The following C21orf91 variants were observed in gnomAD, a reference collection of about 807,000 sequenced individuals.
C21orf91 encodes protein EURL homolog.
A neutral mutation model predicts 32.9 loss-of-function variants in C21orf91; 26 were observed. The observed-to-expected ratio is 0.79, with a 90% confidence interval of 0.58 to 1.10. The LOEUF is 1.10. Ranked by LOEUF, C21orf91 falls within the 50% of genes least tolerant of loss-of-function variation. C21orf91 has a pLI of 0.00. For synonymous variants in C21orf91, 126 were observed against 120.4 expected (o/e 1.05, Z -0.31); for missense variants, 310 against 341.3 (o/e 0.91, Z 0.72).
In C21orf91 at chr21:17,792,726, T is replaced by C. The variant is rs2062486212; in HGVS notation, c.*689A>G. On this transcript the variant is annotated 3_prime_UTR_variant, in exon 5 of 5. Coordinates refer to ENST00000284881, the MANE Select transcript of C21orf91 (RefSeq NM_001100420.2). ...TTTGTTAGAAAACAAAATAATGTAT[T>C]GTATTTACCTGAATACTGCTTTAAA... 6.6e-6 allele frequency: 1 copy of C among 152,570 alleles called. No homozygotes were observed. The highest frequency in any genetic ancestry group is 1.5e-5 in the Non-Finnish European group (1 of 67,990). 9.5% of individuals were successfully genotyped at this position (152,570 alleles called of 1,614,324 possible). A position where few individuals can be genotyped will look rare whatever the true frequency, so the allele number is the denominator to read the frequency against.
At chr21:17,798,509 A>G (rs1371774591) in intron 2 of C21orf91, among the ~76,000 whole-genome samples, 2 of 152,190 alleles carry the variant, frequency 1.3e-5, no homozygotes, top group African/African-American at 4.8e-5. Context: ...GGTAAACTCA[A>G]ATATCTGAGC....
chr21:17,797,227 T>C, intron 2 of C21orf91, 109 bp from the exon 3 acceptor site: 1 of 644,152 alleles, frequency 1.6e-6, no homozygotes, highest in Non-Finnish European at 2.6e-6. Context: ...GTCTGTGAAT[T>C]AGAGGAAAAA....
At chr21:17,794,010 C>G (rs752645534) in intron 4 of C21orf91, among the ~76,000 whole-genome samples, 15 of 152,222 alleles carry the variant, frequency 9.9e-5, no homozygotes, top group African/African-American at 3.6e-4. Context: ...CCTACTCTTA[C>G]GTGCCTCAGG....
intron 1 of C21orf91, chr21:17,818,859 C>T (rs1004307429): frequency 1.3e-5 from 2 of 152,332 alleles, no homozygotes; most frequent in African/African-American, 4.8e-5. Context: ...ACCGAATACC[C>T]GGGGAGGGCG....
chr21:17,805,187 T>G (rs2062586510), intron 2 of C21orf91, among the ~76,000 whole-genome samples: 1 of 152,246 alleles, frequency 6.6e-6, no homozygotes, highest in South Asian at 2.1e-4. Context: ...TTAATTTAAA[T>G]GAATTCAATG....
intron 2 of C21orf91, among the ~76,000 whole-genome samples, chr21:17,808,789 T>C (rs879604825): frequency 7.2e-5 from 11 of 152,298 alleles, no homozygotes; most frequent in African/African-American, 2.6e-4. Context: ...GAGGAGGACA[T>C]GAGATTTGGG....
At chr21:17,809,020 G>T in intron 2 of C21orf91, 1 of 152,624 alleles carries the variant, frequency 6.6e-6, no homozygotes, top group Non-Finnish European at 1.5e-5. Flanking sequence ...TCCTTCTTTG[G>T]CCATTAAGAC....
Position 17,796,997 on chromosome 21 carries a change from A to C in C21orf91, c.249T>G (p.Tyr83Ter), listed in dbSNP as rs761751614. 1 of 1,613,534 alleles carries C rather than the reference A, an allele frequency of 6.2e-7. No individual in the cohort carries two copies. The highest frequency in any genetic ancestry group is 8.5e-7 in the Non-Finnish European group (1 of 1,179,526). The change falls in exon 3 of 5, where the codon TAT becomes TAG. Residue 83 changes from tyrosine to a stop codon, truncating the protein, a stop_gained. Transcript: ENST00000284881. LOFTEE classifies it high-confidence loss of function. ...TACTCAAAATGGTTTTAACTTCTTC[A>C]TAAGTACTTTTTGAAAGCTTAGATC... ...CPRSKLSKST[Y>*]EEVKTILSKK...
At chr21:17,809,700 C>T (rs1192331671) in intron 2 of C21orf91, among the ~76,000 whole-genome samples, 1 of 152,136 alleles carries the variant, frequency 6.6e-6, no homozygotes, top group Non-Finnish European at 1.5e-5. Flanking sequence ...TTCCTCCTCT[C>T]ATGTAAGCCT....
chr21:17,805,506 G>A (rs1195494340), intron 2 of C21orf91, among the ~76,000 whole-genome samples: 2 of 152,050 alleles, frequency 1.3e-5, no homozygotes, highest in Non-Finnish European at 2.9e-5. Flanking sequence ...TAAAGACAGG[G>A]TTTCACCATG....
chr21:17,789,621 T>C lies in C21orf91; in HGVS notation c.*3794A>G, dbSNP rs142151056. ...TAACAAACTAGATGTTTTGGAGACT[T>C]GATATAATATGGTTCATATCAATGT... On this transcript the variant is annotated 3_prime_UTR_variant, in exon 5 of 5. Transcript: ENST00000284881. 9.2e-5 allele frequency: 14 copies of C among 152,268 alleles called. No individual in the cohort carries two copies. Among genetic ancestry groups the C allele is most frequent in the African/African-American group, 3.4e-4 (14 of 41,572 alleles). 9.4% of individuals were successfully genotyped at this position (152,268 alleles called of 1,614,324 possible).
intron 2 of C21orf91, among the ~76,000 whole-genome samples, chr21:17,808,088 T>A (rs2062609973): frequency 6.6e-6 from 1 of 152,186 alleles, no homozygotes; most frequent in African/African-American, 2.4e-5. Context: ...TTGCAGCCCT[T>A]CCCATCACAG....
chr21:17,796,639 T>C lies in C21orf91; in HGVS notation c.607A>G (p.Ile203Val), dbSNP rs76202022. Residue 203 changes from isoleucine (I) to valine (V), a missense_variant, in exon 3 of 5, where the codon ATC becomes GTC. Coordinates refer to ENST00000284881, the MANE Select transcript of C21orf91 (RefSeq NM_001100420.2). ...HNQAQKKEET[I>V]SSPEANVQTQ... Reference sequence around the variant, plus strand: ...TGGACATTAGCCTCTGGACTAGAGATTGTCTCTTCTTTTTTCTGTGCCTGG... The same window carrying C: ...TGGACATTAGCCTCTGGACTAGAGACTGTCTCTTCTTTTTTCTGTGCCTGG... The C allele has an allele frequency of 1.4e-4, 219 of 1,614,006 alleles. 1 individual carries two copies. The East Asian group carries it at 2.4e-3, about 17-fold the overall frequency.
chr21:17,815,317 T>C (rs1374744817), intron 2 of C21orf91, among the ~76,000 whole-genome samples: 1 of 152,116 alleles, frequency 6.6e-6, no homozygotes, highest in Non-Finnish European at 1.5e-5. Flanking sequence ...AGAAGAGTGC[T>C]TTAGACCAAA....
chr21:17,797,923 AAAATTAT>A (rs1443152580), intron 2 of C21orf91, among the ~76,000 whole-genome samples: 1 of 152,016 alleles, frequency 6.6e-6, no homozygotes, highest in Non-Finnish European at 1.5e-5. Context: ...TAAAAATATA[AAAATTAT>A]AAAAATATAA....
chr21:17,807,066 T>G (rs1445587095), intron 2 of C21orf91, among the ~76,000 whole-genome samples: 1 of 152,334 alleles, frequency 6.6e-6, no homozygotes, highest in Non-Finnish European at 1.5e-5. Context: ...CTTTCTAATA[T>G]GTAGGAATTA....
chr21:17,803,039 C>T (rs2062572525), intron 2 of C21orf91, among the ~76,000 whole-genome samples: 1 of 152,168 alleles, frequency 6.6e-6, no homozygotes, highest in Admixed American at 6.5e-5. Flanking sequence ...TTACCTCAAA[C>T]TTAGAGCAGA....
chr21:17,811,860 C>T (rs2146261385), intron 2 of C21orf91, among the ~76,000 whole-genome samples: 1 of 152,188 alleles, frequency 6.6e-6, no homozygotes, highest in African/African-American at 2.4e-5. Flanking sequence ...TTGTTTTCAA[C>T]TTTAAATCAC....
intron 4 of C21orf91, 27 bp downstream of exon 4, chr21:17,795,181 C>CA: frequency 1.3e-6 from 2 of 1,533,520 alleles, no homozygotes; most frequent in Non-Finnish European, 9.0e-7. Flanking sequence ...TTGTCACACA[C>CA]AAAAAAGTAC....
Sources: allele counts gnomAD v4.1 joint callset (sites outside exome capture counted in the v4.1 genomes callset), GRCh38; gene constraint gnomAD v4.1.1; transcripts MANE v1.5; gene names NCBI Gene and HGNC (gene_info 2026-07-23, HGNC 2026-07-21).